CKAP4: variants seen among roughly 807,000 people sequenced by gnomAD.
CKAP4 encodes cytoskeleton-associated protein 4.
Under a neutral mutation model 24.4 loss-of-function variants are expected in CKAP4, and 20 were observed. That is an observed-to-expected ratio of 0.82 (90% CI 0.58 to 1.19). The LOEUF (loss-of-function observed/expected upper bound fraction) is 1.19. CKAP4 is among the 50% of genes most tolerant of loss of function. CKAP4 has a pLI of 0.00. For synonymous variants in CKAP4, 378 were observed against 351.7 expected (o/e 1.07, Z -0.84); for missense variants, 744 against 765.3 (o/e 0.97, Z 0.33).
At chr12:106,245,199 T>C (rs1300136756) in intron 1 of CKAP4, among the ~76,000 whole-genome samples, 4 of 152,162 alleles carry the variant, frequency 2.6e-5, no homozygotes, top group Non-Finnish European at 1.5e-5. Context: ...ACCAGCTAGA[T>C]GGCTGGCACT....
At position 106,247,272 on chromosome 12, in the gene CKAP4, G is replaced by A; in HGVS notation, c.483+97C>T. 1 of 1,149,876 alleles carries A rather than the reference G, an allele frequency of 8.7e-7. No individual in the cohort carries two copies. The highest frequency in any genetic ancestry group is 1.2e-6 in the Non-Finnish European group (1 of 850,086). The allele number at this position is 1,149,876 out of a possible 1,614,324, so 71.2% of individuals were successfully genotyped here. ...CGGCTCCCGCCTCCGGGCCTGGGCA[G>A]GCAGCGCTAGGGGCCGGTCGGGAAG... On this transcript the variant is annotated intron_variant, in intron 1 of 1. Coordinates refer to ENST00000378026, the MANE Select transcript of CKAP4 (RefSeq NM_006825.4). The surrounding 1 kb of genome is among the most constrained non-coding windows in gnomAD (Gnocchi z 4.5).
intron 1 of CKAP4, among the ~76,000 whole-genome samples, chr12:106,244,810 T>TA (rs1415858145): frequency 1.3e-5 from 2 of 151,820 alleles, no homozygotes; most frequent in Admixed American, 1.3e-4. Flanking sequence ...AAATATGAAA[T>TA]AAAAAACAGA....
chr12:106,243,441 G>C (rs1371643961), intron 1 of CKAP4, among the ~76,000 whole-genome samples: 6 of 152,170 alleles, frequency 3.9e-5, no homozygotes, highest in Non-Finnish European at 7.3e-5. Context: ...TGACTCCTTA[G>C]CCAGAGAATC....
chr12:106,239,368 G>C lies in CKAP4; in HGVS notation c.1465C>G (p.Leu489Val). The change falls in exon 2 of 2, where the codon CTG becomes GTG. Residue 489 changes from leucine to valine, a missense_variant. Leu to Val is a conservative substitution (Grantham distance 32). This residue lies in a region of CKAP4 where 401 missense variants were observed against 424.5 expected (regional missense o/e 0.94). Coordinates refer to ENST00000378026, the MANE Select transcript of CKAP4 (RefSeq NM_006825.4). The surrounding 1 kb of genome is among the most constrained non-coding windows in gnomAD (Gnocchi z 4.9). The part of the protein sequence containing the change: ...QLVLYGDVEE[L>V]KRSVGELPST... ...GGGAGCTCGCCCACACTCCTCTTCA[G>C]CTCCTCCACGTCACCGTAGAGCACC... 2 of 1,603,384 alleles carry C rather than the reference G, an allele frequency of 1.2e-6. No homozygotes were observed. Among genetic ancestry groups the C allele is most frequent in the Non-Finnish European group, 1.7e-6 (2 of 1,178,940 alleles).
intron 1 of CKAP4, among the ~76,000 whole-genome samples, chr12:106,245,944 A>C (rs1255774626): frequency 6.6e-6 from 1 of 152,168 alleles, no homozygotes; most frequent in Non-Finnish European, 1.5e-5. Context: ...CACTCAACAA[A>C]AGCAGAGAGC....
At chr12:106,243,794 T>C (rs1191303677) in intron 1 of CKAP4, among the ~76,000 whole-genome samples, 1 of 152,230 alleles carries the variant, frequency 6.6e-6, no homozygotes, top group Non-Finnish European at 1.5e-5. Context: ...ACACAACTTA[T>C]GGTCTGTGTG....
Position 106,247,778 on chromosome 12 carries a change from G to A in CKAP4, c.74C>T (p.Pro25Leu), listed in dbSNP as rs1200798253. The stretch of plus-strand genomic sequence containing the variant: ...CGCCACGTCATCCGCGCCGCCCGAC[G>A]GGTGGGCACCCTTCTCCGAGGGGCT... Reference protein sequence around the residue: ...AASPSEKGAHPSGGADDVAKK... With the variant: ...AASPSEKGAHLSGGADDVAKK... The change falls in exon 1 of 2, where the codon CCG (proline) becomes CTG (leucine). Residue 25 changes from proline (P) to leucine (L), a missense_variant. This residue lies in a region of CKAP4 where 300 missense variants were observed against 264.5 expected (regional missense o/e 1.13). Transcript: ENST00000378026. The surrounding 1 kb of genome is among the most constrained non-coding windows in gnomAD (Gnocchi z 4.5). 3 of 1,052,856 alleles carry A rather than the reference G, an allele frequency of 2.8e-6. No individual in the cohort carries two copies. Among genetic ancestry groups the A allele is most frequent in the South Asian group, 8.7e-5 (2 of 23,096 alleles). The allele number at this position is 1,052,856 out of a possible 1,614,324, so 65.2% of individuals were successfully genotyped here.
In CKAP4 at chr12:106,247,465, G is replaced by C. The variant is rs747494352; in HGVS notation, c.387C>G (p.His129Gln). Reference sequence around the variant, plus strand: ...GGACCTGCTGGACCTCCTCCAGGACGTGGTGGACGCACCAGCCCGAGAAAG... The same window carrying C: ...GGACCTGCTGGACCTCCTCCAGGACCTGGTGGACGCACCAGCCCGAGAAAG... ...AAAFSGWCVHHVLEEVQQVRR... is the reference protein window; with the variant it reads ...AAAFSGWCVHQVLEEVQQVRR... Residue 129 changes from histidine (H) to glutamine (Q), a missense_variant, in exon 1 of 2, where the codon CAC (histidine) becomes CAG (glutamine). Coordinates refer to ENST00000378026, the MANE Select transcript of CKAP4 (RefSeq NM_006825.4). This position sits in a 1 kb window ranked among gnomAD's most constrained non-coding sequence, Gnocchi z 4.5. The C allele has an allele frequency of 5.8e-6, 9 of 1,547,046 alleles. No individual in the cohort carries two copies. Among genetic ancestry groups the C allele is most frequent in the Non-Finnish European group, 7.8e-6 (9 of 1,148,510 alleles).
rs954395969 is a variant in CKAP4 at position 106,238,102 on chromosome 12, T to C, written c.*922A>G. 8 of 145,380 alleles carry C rather than the reference T, an allele frequency of 5.5e-5. No homozygotes were observed. The highest frequency in any genetic ancestry group is 2.1e-4 in the African/African-American group (8 of 38,630). The allele number at this position is 145,380 out of a possible 1,614,324, so 9.0% of individuals were successfully genotyped here. The stretch of plus-strand genomic sequence containing the variant: ...ACAGCAAACAATTACACAAACGCAG[T>C]ATGCACGCTCCTTGCCGACAGGGCT... On this transcript the variant is annotated 3_prime_UTR_variant, in exon 2 of 2. Coordinates refer to ENST00000378026, the MANE Select transcript of CKAP4 (RefSeq NM_006825.4).
chr12:106,243,593 C>T (rs1176149515), intron 1 of CKAP4, among the ~76,000 whole-genome samples: 1 of 152,248 alleles, frequency 6.6e-6, no homozygotes, highest in East Asian at 1.9e-4. Flanking sequence ...GCAACACAGG[C>T]TCTTCAGAGG....
intron 1 of CKAP4, among the ~76,000 whole-genome samples, chr12:106,242,662 T>C (rs952707239): frequency 2.0e-5 from 3 of 152,248 alleles, no homozygotes; most frequent in Non-Finnish European, 4.4e-5. Flanking sequence ...TCTCTGAAAC[T>C]ACGTTATTAA....
chr12:106,238,767 A>C lies in CKAP4; in HGVS notation c.*257T>G, dbSNP rs1035380865. ...GCCTTTATCATTTTTCTCTGACTAG[A>C]GACATCCATGAAAAGCCACCTGTTA... On this transcript the variant is annotated 3_prime_UTR_variant, in exon 2 of 2. Transcript: ENST00000378026. 1.3e-5 allele frequency: 6 copies of C among 467,520 alleles called. No homozygotes were observed. Among genetic ancestry groups the C allele is most frequent in the Non-Finnish European group, 2.3e-5 (6 of 261,450 alleles). 29.0% of individuals were successfully genotyped at this position (467,520 alleles called of 1,614,324 possible).
chr12:106,247,693 C>G lies in CKAP4; in HGVS notation c.159G>C (p.Gln53His), dbSNP rs2034027713. The G allele has an allele frequency of 9.5e-7, 1 of 1,056,260 alleles. No individual in the cohort carries two copies. The highest frequency in any genetic ancestry group is 1.1e-6 in the Non-Finnish European group (1 of 882,480). The allele number at this position is 1,056,260 out of a possible 1,614,324, so 65.4% of individuals were successfully genotyped here. ...GGTTCTGCGGGTGCTGCTGCGGGTG[C>G]TGCTGCGGGTGCGGCGCGGGCGGCG... The part of the protein sequence containing the change: ...PPPPPAPHPQ[Q>H]HPQQHPQNQA... Residue 53 changes from glutamine (Q) to histidine (H), a missense_variant, in exon 1 of 2, where the codon CAG becomes CAC. Physicochemically the swap from Gln to His is conservative, Grantham distance 24. Coordinates refer to ENST00000378026, the MANE Select transcript of CKAP4 (RefSeq NM_006825.4). The surrounding 1 kb of genome is among the most constrained non-coding windows in gnomAD (Gnocchi z 4.5).
In CKAP4 at chr12:106,237,992, G is replaced by GTTTTTTTTTTTTTTTTTTTT; in HGVS notation, c.*1012_*1031dup. ...TTTTTTTTTTTTTTTTACTTTTCGG[G>GTTTTTTTTTTTTTTTTTTTT]TTTTTTTTTTTTTTTTTTTTTCAAT... On this transcript the variant is annotated 3_prime_UTR_variant, in exon 2 of 2. Transcript: ENST00000378026. The GTTTTTTTTTTTTTTTTTTTT allele has an allele frequency of 4.3e-5, 3 of 70,512 alleles. No homozygotes were observed. The highest frequency in any genetic ancestry group is 1.2e-4 in the African/African-American group (2 of 16,246). The allele number at this position is 70,512 out of a possible 1,614,324, so 4.4% of individuals were successfully genotyped here. A position where few individuals can be genotyped will look rare whatever the true frequency, so the allele number is the denominator to read the frequency against.
In CKAP4 at chr12:106,239,944, G is replaced by A; in HGVS notation, c.889C>T (p.Gln297Ter). Reference protein sequence around the residue: ...KALKEAVKEIQTSAKSREWDM... With the variant: ...KALKEAVKEI ...CACTCTCTGGACTTGGCTGAGGTCT[G>A]TATCTCCTTCACAGCTTCCTTTAAG... Residue 297 changes from glutamine to a stop codon, truncating the protein, a stop_gained, in exon 2 of 2, where the codon CAG (glutamine) becomes TAG (stop). Coordinates refer to ENST00000378026, the MANE Select transcript of CKAP4 (RefSeq NM_006825.4). LOFTEE classifies it low-confidence loss of function (END_TRUNC). This position sits in a 1 kb window ranked among gnomAD's most constrained non-coding sequence, Gnocchi z 4.9. 6.2e-7 allele frequency: 1 copy of A among 1,614,166 alleles called. No individual in the cohort carries two copies. The highest frequency in any genetic ancestry group is 8.5e-7 in the Non-Finnish European group (1 of 1,180,030).
intron 1 of CKAP4, among the ~76,000 whole-genome samples, chr12:106,244,691 G>C (rs1188085712): frequency 6.6e-6 from 1 of 152,180 alleles, no homozygotes; most frequent in Non-Finnish European, 1.5e-5. Flanking sequence ...TTGTGAGGCT[G>C]AGGCAAGAGG....
At chr12:106,241,834 G>C (rs548283058) in intron 1 of CKAP4, among the ~76,000 whole-genome samples, 36 of 152,124 alleles carry the variant, frequency 2.4e-4, no homozygotes, top group African/African-American at 8.4e-4. Flanking sequence ...TGGAGAAGAA[G>C]GGAGACCAGG....
At chr12:106,245,035 A>AT (rs1369329258) in intron 1 of CKAP4, among the ~76,000 whole-genome samples, 3 of 152,152 alleles carry the variant, frequency 2.0e-5, no homozygotes, top group Admixed American at 2.0e-4. Flanking sequence ...GACCTTCCCT[A>AT]TTTTGGCCTC....
At chr12:106,241,477 C>T (rs375832701) in intron 1 of CKAP4, among the ~76,000 whole-genome samples, 3 of 150,766 alleles carry the variant, frequency 2.0e-5, no homozygotes, top group Non-Finnish European at 3.0e-5. Context: ...GGACTACAGG[C>T]GCCCGCCACT....
Sources: allele counts gnomAD v4.1 joint callset (sites outside exome capture counted in the v4.1 genomes callset), GRCh38; gene constraint gnomAD v4.1.1; regional missense constraint gnomAD v4.1.1; non-coding constraint Gnocchi (gnomAD v3.1); transcripts MANE v1.5; gene names NCBI Gene and HGNC (gene_info 2026-07-23, HGNC 2026-07-21).